LRRC4C: variants seen among roughly 807,000 people sequenced by gnomAD.
LRRC4C encodes the protein leucine rich repeat containing 4C.
Under a neutral mutation model 33.6 loss-of-function variants are expected in LRRC4C, and 5 were observed. That is an observed-to-expected ratio of 0.15 (90% CI 0.08 to 0.31). The LOEUF is 0.31. Among genes scored for constraint, LRRC4C ranks in the 10% least tolerant of loss-of-function variants. The probability of loss-of-function intolerance (pLI) is 1.00; values close to 1 mark genes in which losing one functional copy is unlikely to be tolerated. For synonymous variants in LRRC4C, 329 were observed against 302.0 expected, an observed-to-expected ratio of 1.09 and a Z score of -0.93; for missense variants, 560 against 796.7, an observed-to-expected ratio of 0.70 and a Z score of 3.58.
At chr11:40,853,646 A>G (rs1400395677) in intron 2 of LRRC4C, among the ~76,000 whole-genome samples, 1 of 152,168 alleles carries the variant, frequency 6.6e-6, no homozygotes, top group Non-Finnish European at 1.5e-5. Context: ...CCATGGGGTC[A>G]TTAAAGTATT....
chr11:41,282,498 C>T, intron 1 of LRRC4C, among the ~76,000 whole-genome samples: 1 of 152,142 alleles, frequency 6.6e-6, no homozygotes, highest in East Asian at 1.9e-4. Context: ...GGAGAAGTCC[C>T]AGAATCTGGA....
At chr11:40,968,162 T>C (rs1420830041) in intron 1 of LRRC4C, among the ~76,000 whole-genome samples, 2 of 152,102 alleles carry the variant, frequency 1.3e-5, no homozygotes, top group African/African-American at 2.4e-5. Flanking sequence ...ATGGTCTAGA[T>C]GGAAGATTAA....
chr11:40,202,213 C>CA (rs35644436), intron 5 of LRRC4C, among the ~76,000 whole-genome samples: 1,223 of 64,852 alleles, frequency 0.019, 20 homozygotes, highest in African/African-American at 0.061. Context: ...GTGTGATTAC[C>CA]AAAAAAAAAA....
chr11:40,742,651 A>C (rs956245425), intron 2 of LRRC4C, among the ~76,000 whole-genome samples: 2 of 152,012 alleles, frequency 1.3e-5, no homozygotes, highest in Non-Finnish European at 2.9e-5. Flanking sequence ...TAATCCTTGG[A>C]GTAAAGAGAA....
At chr11:40,215,857 A>C (rs2135871381) in intron 5 of LRRC4C, among the ~76,000 whole-genome samples, 1 of 152,314 alleles carries the variant, frequency 6.6e-6, no homozygotes, top group South Asian at 2.1e-4. Context: ...AAAAAGCCTA[A>C]GGAGAGAGAG....
chr11:41,074,912 C>T (rs936249298), intron 1 of LRRC4C, among the ~76,000 whole-genome samples: 1 of 151,822 alleles, frequency 6.6e-6, no homozygotes, highest in East Asian at 1.9e-4. Flanking sequence ...ACGAAATGGG[C>T]TTCAATGGTT....
chr11:40,259,856 A>G (rs529494165), intron 4 of LRRC4C, among the ~76,000 whole-genome samples: 1 of 152,256 alleles, frequency 6.6e-6, no homozygotes, highest in East Asian at 1.9e-4. Flanking sequence ...ACAATGAGAT[A>G]CCATCTCACA....
intron 2 of LRRC4C, among the ~76,000 whole-genome samples, chr11:40,875,226 T>C (rs537180095): frequency 1.3e-5 from 2 of 152,300 alleles, no homozygotes; most frequent in East Asian, 1.9e-4. Context: ...CTCCTACTAA[T>C]CTATTTCTAA....
At chr11:40,503,660 T>C (rs558284757) in intron 3 of LRRC4C, among the ~76,000 whole-genome samples, 2 of 152,360 alleles carry the variant, frequency 1.3e-5, no homozygotes, top group Non-Finnish European at 2.9e-5. Flanking sequence ...GGATGTTCTA[T>C]GTCTACTTTC....
At chr11:40,637,140 A>G (rs1941800160) in intron 3 of LRRC4C, among the ~76,000 whole-genome samples, 1 of 152,222 alleles carries the variant, frequency 6.6e-6, no homozygotes, top group East Asian at 1.9e-4. Context: ...GCCTTTTGGC[A>G]AAACCAAGTT....
chr11:40,377,340 T>A (rs1268185400), intron 3 of LRRC4C, among the ~76,000 whole-genome samples: 1 of 152,168 alleles, frequency 6.6e-6, no homozygotes. Context: ...TACTATATAG[T>A]GTACATCCTT....
chr11:41,307,222 A>T (rs1241131672), intron 1 of LRRC4C, among the ~76,000 whole-genome samples: 2 of 152,064 alleles, frequency 1.3e-5, no homozygotes, highest in Non-Finnish European at 2.9e-5. Flanking sequence ...TGCAAGCACC[A>T]GTGATAGTTG....
At chr11:40,344,581 A>C (rs2137036010) in intron 3 of LRRC4C, among the ~76,000 whole-genome samples, 1 of 152,204 alleles carries the variant, frequency 6.6e-6, no homozygotes, top group South Asian at 2.1e-4. Context: ...CATTTCCCTT[A>C]AAAACCAGAA....
intron 1 of LRRC4C, among the ~76,000 whole-genome samples, chr11:41,193,445 G>A (rs988928481): frequency 6.6e-6 from 1 of 152,070 alleles, no homozygotes; most frequent in Non-Finnish European, 1.5e-5. Context: ...TGAAACTCTG[G>A]AAATGCTACA....
At chr11:41,417,231 T>A (rs2138281184) in intron 1 of LRRC4C, among the ~76,000 whole-genome samples, 1 of 152,106 alleles carries the variant, frequency 6.6e-6, no homozygotes, top group East Asian at 1.9e-4. Flanking sequence ...AGGATATAAA[T>A]GAAAAACAGT....
At chr11:40,760,793 A>G (rs1949170664) in intron 2 of LRRC4C, among the ~76,000 whole-genome samples, 1 of 132,102 alleles carries the variant, frequency 7.6e-6, no homozygotes. Context: ...GTGTGTATAT[A>G]TATATATACA....
rs373410814 is a variant in LRRC4C at position 41,267,817 on chromosome 11, C to T, written c.-496+191614G>A. On this transcript the variant is annotated intron_variant, in intron 1 of 6. Coordinates refer to ENST00000528697, the MANE Select transcript of LRRC4C (RefSeq NM_001258419.2). ...ATAATAGTACCCACCATCATCGAAC[C>T]GTAAGGATAAAATGTCTAATAATGT... Among the ~76,000 whole-genome samples the T allele has an allele frequency of 2.3e-4, 35 of 152,092 alleles. 1 individual carries two copies. In the South Asian group the frequency reaches 6.7e-3, roughly 29 times the overall value.
chr11:40,898,365 A>AG (rs1956055789), intron 2 of LRRC4C, among the ~76,000 whole-genome samples: 7 of 147,534 alleles, frequency 4.7e-5, no homozygotes, highest in Admixed American at 4.1e-4. Context: ...AAAAAAAAAA[A>AG]AAAAAAAGAA....
At chr11:41,208,829 G>T (rs1463924932) in intron 1 of LRRC4C, among the ~76,000 whole-genome samples, 1 of 152,194 alleles carries the variant, frequency 6.6e-6, no homozygotes, top group East Asian at 1.9e-4. Flanking sequence ...AGTGGGCCAG[G>T]ATGACGCACT....
Sources: allele counts gnomAD v4.1 joint callset (sites outside exome capture counted in the v4.1 genomes callset), GRCh38; gene constraint gnomAD v4.1.1; transcripts MANE v1.5; gene names NCBI Gene and HGNC (gene_info 2026-07-23, HGNC 2026-07-21).